Variants in DCAF12 observed in about 807,000 individuals in gnomAD.
The protein encoded by DCAF12 is DDB1 and CUL4 associated factor 12.
A neutral mutation model predicts 52.8 loss-of-function variants in DCAF12; 28 were observed. That is an observed-to-expected ratio of 0.53 (90% CI 0.39 to 0.73). The LOEUF is 0.73. Among genes scored for constraint, DCAF12 ranks in the 30% least tolerant of loss-of-function variants. The pLI, the probability that DCAF12 is intolerant of heterozygous loss-of-function variation, is 0.00. For missense variants in DCAF12, 425 were observed against 552.2 expected, an observed-to-expected ratio of 0.77 and a Z score of 2.31; for synonymous variants, 196 against 215.5, an observed-to-expected ratio of 0.91 and a Z score of 0.79.
chr9:34,092,432 A>T (rs12551373), intron 7 of DCAF12, among the ~76,000 whole-genome samples: 3 of 151,974 alleles, frequency 2.0e-5, no homozygotes, highest in Non-Finnish European at 2.9e-5. Flanking sequence ...TCACGCCTGT[A>T]ATCTCAGCAC....
At chr9:34,103,848 A>G (rs1828866330) in intron 4 of DCAF12, among the ~76,000 whole-genome samples, 1 of 152,148 alleles carries the variant, frequency 6.6e-6, no homozygotes, top group Admixed American at 6.6e-5. Context: ...CTCAACAACA[A>G]CAACAGTAAC....
In DCAF12 at chr9:34,115,046, C is replaced by T. The variant is rs569592531; in HGVS notation, c.334-7481G>A. 2.6e-5 allele frequency among the ~76,000 whole-genome samples: 4 copies of T among 152,230 alleles called. No homozygotes were observed. In the South Asian group the frequency reaches 8.3e-4, roughly 32 times the overall value. On this transcript the variant is annotated intron_variant, in intron 2 of 8. Coordinates refer to ENST00000361264, the MANE Select transcript of DCAF12 (RefSeq NM_015397.4). Reference sequence around the variant, plus strand: ...TTCTAAAATTCAAGGGTGTTTCAGACTGGAGCCCAATGAGAAAGGAAAGTA... The same window carrying T: ...TTCTAAAATTCAAGGGTGTTTCAGATTGGAGCCCAATGAGAAAGGAAAGTA...
chr9:34,107,535 T>A lies in DCAF12; in HGVS notation c.364A>T (p.Ile122Phe). 1 of 1,614,170 alleles carries A rather than the reference T, an allele frequency of 6.2e-7. No individual in the cohort carries two copies. Among genetic ancestry groups the A allele is most frequent in the Non-Finnish European group, 8.5e-7 (1 of 1,180,042 alleles). The change falls in exon 3 of 9, where the codon ATC becomes TTC. Residue 122 changes from isoleucine to phenylalanine, a missense_variant. This residue lies in a region of DCAF12 where 328 missense variants were observed against 444.4 expected (regional missense o/e 0.74). Coordinates refer to ENST00000361264, the MANE Select transcript of DCAF12 (RefSeq NM_015397.4). ...LFVVDVQTSQ[I>F]TKIPILKDRE... ...TCTTTCAGAATGGGGATCTTGGTGATCTGGCTTGTCTGGACATCTACGACA... is the reference window on the plus strand; with the variant it reads ...TCTTTCAGAATGGGGATCTTGGTGAACTGGCTTGTCTGGACATCTACGACA...
At chr9:34,115,953 T>C (rs1829082252) in intron 2 of DCAF12, among the ~76,000 whole-genome samples, 1 of 152,230 alleles carries the variant, frequency 6.6e-6, no homozygotes, top group Non-Finnish European at 1.5e-5. Context: ...TCCCTATTAT[T>C]GAACATTTAT....
At chr9:34,116,600 A>G (rs1173754826) in intron 2 of DCAF12, among the ~76,000 whole-genome samples, 1 of 152,150 alleles carries the variant, frequency 6.6e-6, no homozygotes, top group East Asian at 1.9e-4. Flanking sequence ...GCCTGAACTC[A>G]GGTGGCGGAG....
intron 2 of DCAF12, among the ~76,000 whole-genome samples, chr9:34,117,596 C>T (rs1829107864): frequency 6.6e-6 from 1 of 152,048 alleles, no homozygotes; most frequent in African/African-American, 2.4e-5. Flanking sequence ...CTACCTTAAG[C>T]ATCTATCTAA....
At chr9:34,095,577 T>C (rs760122203) in intron 6 of DCAF12, among the ~76,000 whole-genome samples, 2 of 151,852 alleles carry the variant, frequency 1.3e-5, no homozygotes, top group Admixed American at 6.6e-5. Context: ...GTTGCAGAGA[T>C]AGGGTCTTAC....
At chr9:34,115,845 G>C (rs187194901) in intron 2 of DCAF12, among the ~76,000 whole-genome samples, 1 of 151,988 alleles carries the variant, frequency 6.6e-6, no homozygotes, top group Non-Finnish European at 1.5e-5. Flanking sequence ...CCCAAAGTGC[G>C]GGATTACAGA....
rs148765621 is a variant in DCAF12, at chr9:34,106,599, T to C, written c.541-105A>G. The C allele has an allele frequency of 8.3e-4, 787 of 952,852 alleles. 3 individuals carry two copies. The African/African-American group carries it at 1.0e-2, about 12-fold the overall frequency. The allele number at this position is 952,852 out of a possible 1,614,324, so 59.0% of individuals were successfully genotyped here. On this transcript the variant is annotated intron_variant, in intron 3 of 8. Coordinates refer to ENST00000361264, the MANE Select transcript of DCAF12 (RefSeq NM_015397.4). ...AAGCATACAAGTCAGACTGAAAATA[T>C]TTTTGTAGAAATTACAACTCTGATC...
chr9:34,121,086 G>A (rs1273483446), intron 2 of DCAF12, among the ~76,000 whole-genome samples: 3 of 151,198 alleles, frequency 2.0e-5, no homozygotes, highest in Admixed American at 6.6e-5. Flanking sequence ...CCTGGGAGAC[G>A]GAGGTTGCAG....
intron 4 of DCAF12, among the ~76,000 whole-genome samples, chr9:34,099,164 T>G (rs1038596348): frequency 2.0e-5 from 3 of 151,998 alleles, no homozygotes; most frequent in African/African-American, 7.2e-5. Context: ...GCCTCCTGGG[T>G]TCTAGCGATT....
intron 2 of DCAF12, among the ~76,000 whole-genome samples, chr9:34,121,899 C>T (rs1263055024): frequency 4.6e-5 from 7 of 152,026 alleles, no homozygotes; most frequent in Admixed American, 1.3e-4. Flanking sequence ...GCTGAGATCG[C>T]GCCACTGCAC....
At chr9:34,121,668 G>A (rs1829176550) in intron 2 of DCAF12, among the ~76,000 whole-genome samples, 1 of 152,154 alleles carries the variant, frequency 6.6e-6, no homozygotes, top group Non-Finnish European at 1.5e-5. Context: ...TTTTCGGCCA[G>A]GCGCGGTGGC....
Position 34,107,376 on chromosome 9 carries a change from G to A in DCAF12, c.523C>T (p.Pro175Ser). ...LAIYRLPTLD[P>S]VCVGDDGHKD... ...AAACTTACATCTCCTACACACACAG[G>A]ATCCAGCGTAGGTAGTCGATAGATG... is the stretch of plus-strand genomic sequence containing the variant. Residue 175 changes from proline (P) to serine (S), a missense_variant, in exon 3 of 9, where the codon CCT becomes TCT. Coordinates refer to ENST00000361264, the MANE Select transcript of DCAF12 (RefSeq NM_015397.4). 1.2e-6 allele frequency: 2 copies of A among 1,614,030 alleles called. No individual in the cohort carries two copies.
At chr9:34,110,044 T>G (rs1828973764) in intron 2 of DCAF12, 1 of 119,264 alleles carries the variant, frequency 8.4e-6, no homozygotes, top group Non-Finnish European at 2.0e-5. Flanking sequence ...TTTAAATATA[T>G]ATAATATATG....
At chr9:34,105,062 G>C (rs1253043790) in intron 4 of DCAF12, among the ~76,000 whole-genome samples, 1 of 151,514 alleles carries the variant, frequency 6.6e-6, no homozygotes, top group African/African-American at 2.4e-5. Context: ...AGACCAGCCT[G>C]GCCAATATGG....
At chr9:34,108,503 T>C (rs1443552357) in intron 2 of DCAF12, among the ~76,000 whole-genome samples, 2 of 152,106 alleles carry the variant, frequency 1.3e-5, no homozygotes, top group African/African-American at 2.4e-5. Flanking sequence ...GTTTAAAATA[T>C]AAAAAGGGCC....
intron 8 of DCAF12, among the ~76,000 whole-genome samples, chr9:34,089,110 C>CAAA (rs771038838): frequency 8.7e-5 from 8 of 92,466 alleles, no homozygotes; most frequent in Non-Finnish European, 9.0e-5. Flanking sequence ...GACCCTGTCT[C>CAAA]AAAAAAAAAA....
chr9:34,110,116 CA>C (rs2131437144), intron 2 of DCAF12: 1 of 151,700 alleles, frequency 6.6e-6, no homozygotes, highest in South Asian at 2.1e-4. Context: ...TGAGTGGGAG[CA>C]GGGGGAAGAA....
Sources: allele counts gnomAD v4.1 joint callset (sites outside exome capture counted in the v4.1 genomes callset), GRCh38; gene constraint gnomAD v4.1.1; regional missense constraint gnomAD v4.1.1; transcripts MANE v1.5; gene names NCBI Gene and HGNC (gene_info 2026-07-23, HGNC 2026-07-21).